Variants in FGF14 observed in about 807,000 individuals in gnomAD.
FGF14 encodes fibroblast growth factor homologous factor 4.
FGF14 carries 5 observed loss-of-function variants against 25.5 expected under a neutral mutation model. That is an observed-to-expected ratio of 0.20 (90% CI 0.10 to 0.41). FGF14 has a LOEUF of 0.41. FGF14 is among the 10% of genes least tolerant of loss of function. The pLI, the probability that FGF14 is intolerant of heterozygous loss-of-function variation, is 1.00. For missense variants in FGF14, 222 were observed against 320.1 expected, an observed-to-expected ratio of 0.69 and a Z score of 2.34; for synonymous variants, 138 against 118.3, an observed-to-expected ratio of 1.17 and a Z score of -1.08.
chr13:102,047,774 A>G (rs1035966319), intron 1 of FGF14, among the ~76,000 whole-genome samples: 2 of 152,312 alleles, frequency 1.3e-5, no homozygotes. Flanking sequence ...GCACATGTAT[A>G]CATATGTAAC....
At chr13:102,239,406 G>GA (rs2141021738) in intron 1 of FGF14, among the ~76,000 whole-genome samples, 1 of 152,312 alleles carries the variant, frequency 6.6e-6, no homozygotes, top group African/African-American at 2.4e-5. Flanking sequence ...AAGAAATGCA[G>GA]ATTCTGACTC....
At chr13:102,335,443 C>T (rs2138862855) in intron 1 of FGF14, among the ~76,000 whole-genome samples, 1 of 152,188 alleles carries the variant, frequency 6.6e-6, no homozygotes, top group Non-Finnish European at 1.5e-5. Context: ...TAAGAGTAGT[C>T]TTTTGTTAAG....
intron 1 of FGF14, among the ~76,000 whole-genome samples, chr13:101,985,169 C>A (rs1003449731): frequency 3.3e-5 from 5 of 151,218 alleles, no homozygotes; most frequent in African/African-American, 1.2e-4. Context: ...AGAAGCAGAC[C>A]CTCAGGCTAC....
intron 1 of FGF14, among the ~76,000 whole-genome samples, chr13:102,188,629 C>T (rs2048966184): frequency 6.6e-6 from 1 of 151,806 alleles, no homozygotes. Context: ...TATATTGGTG[C>T]CAGAAATAGC....
chr13:102,172,475 G>A (rs145462811), intron 1 of FGF14, among the ~76,000 whole-genome samples: 6 of 152,152 alleles, frequency 3.9e-5, no homozygotes, highest in African/African-American at 1.4e-4. Context: ...GTAATGTAGT[G>A]ACATACATTT....
chr13:102,278,936 C>T (rs751745767), intron 1 of FGF14, among the ~76,000 whole-genome samples: 31 of 151,948 alleles, frequency 2.0e-4, no homozygotes, highest in East Asian at 5.8e-4. Context: ...ACACATTTTG[C>T]GACTTATATA....
rs147668357 is a variant in FGF14 at position 102,378,255 on chromosome 13, G to A, written c.208+23216C>T. On this transcript the variant is annotated intron_variant, in intron 1 of 4. Transcript: ENST00000376131. The stretch of plus-strand genomic sequence containing the variant: ...TCAGGTGTAACAAATGCACCACTCC[G>A]GTGTGGTATATTGGTAATGGAGAGG... Among the ~76,000 whole-genome samples the A allele has an allele frequency of 3.3e-3, 499 of 152,250 alleles. 6 individuals are homozygous for A. The highest frequency in any genetic ancestry group is 0.011 in the African/African-American group (440 of 41,538).
At chr13:101,798,804 TGTGA>T (rs1417628073) in intron 3 of FGF14, among the ~76,000 whole-genome samples, 2 of 152,078 alleles carry the variant, frequency 1.3e-5, no homozygotes, top group Non-Finnish European at 1.5e-5. Context: ...AATGTGTATT[TGTGA>T]GTGTTTGTGT....
intron 1 of FGF14, among the ~76,000 whole-genome samples, chr13:102,220,935 T>G (rs1387811228): frequency 6.6e-6 from 1 of 152,180 alleles, no homozygotes; most frequent in Non-Finnish European, 1.5e-5. Flanking sequence ...TCTTCCTGTC[T>G]GTAAAATAAG....
intron 1 of FGF14, among the ~76,000 whole-genome samples, chr13:101,876,980 TA>T (rs1220338322): frequency 6.6e-6 from 1 of 152,184 alleles, no homozygotes; most frequent in East Asian, 1.9e-4. Flanking sequence ...GAGAATTTTT[TA>T]TTATTCTCTT....
At chr13:102,031,939 T>C (rs1387499894) in intron 1 of FGF14, among the ~76,000 whole-genome samples, 1 of 152,126 alleles carries the variant, frequency 6.6e-6, no homozygotes, top group Non-Finnish European at 1.5e-5. Flanking sequence ...AAAATTAACA[T>C]TCATTGCCGT....
intron 1 of FGF14, among the ~76,000 whole-genome samples, chr13:102,162,641 T>A (rs887694054): frequency 6.6e-6 from 1 of 152,192 alleles, no homozygotes; most frequent in Non-Finnish European, 1.5e-5. Context: ...GTTTATGGAA[T>A]GCTTCAATGT....
intron 1 of FGF14, among the ~76,000 whole-genome samples, chr13:101,885,687 T>G (rs2045952460): frequency 2.1e-5 from 3 of 143,728 alleles, no homozygotes; most frequent in Middle Eastern, 3.4e-3. Flanking sequence ...GTAACTGATG[T>G]GGCACAGGCC....
chr13:101,989,072 C>A (rs1006347123), intron 1 of FGF14, among the ~76,000 whole-genome samples: 4 of 151,942 alleles, frequency 2.6e-5, no homozygotes, highest in Admixed American at 2.6e-4. Flanking sequence ...GTTTTTCAAT[C>A]TTTCTGGCAC....
At chr13:102,203,310 T>C in intron 1 of FGF14, among the ~76,000 whole-genome samples, 1 of 152,188 alleles carries the variant, frequency 6.6e-6, no homozygotes, top group East Asian at 1.9e-4. Flanking sequence ...TAGTCATAAA[T>C]CTCTTGAACT....
At chr13:102,058,377 T>G (rs2042528996) in intron 1 of FGF14, among the ~76,000 whole-genome samples, 1 of 152,240 alleles carries the variant, frequency 6.6e-6, no homozygotes, top group South Asian at 2.1e-4. Flanking sequence ...TCCAACTCAT[T>G]TTTTATCAGG....
At chr13:102,017,935 C>T (rs909161022) in intron 1 of FGF14, among the ~76,000 whole-genome samples, 5 of 152,096 alleles carry the variant, frequency 3.3e-5, no homozygotes, top group African/African-American at 1.2e-4. Context: ...TTCCAACACT[C>T]CTGGATGGGA....
At chr13:101,882,488 T>C (rs550118686) in intron 1 of FGF14, among the ~76,000 whole-genome samples, 1 of 152,120 alleles carries the variant, frequency 6.6e-6, no homozygotes, top group East Asian at 1.9e-4. Flanking sequence ...GTTTTATCTA[T>C]TTCTTCAGAT....
intron 1 of FGF14, among the ~76,000 whole-genome samples, chr13:102,042,555 T>C (rs2041793592): frequency 6.6e-6 from 1 of 152,166 alleles, no homozygotes; most frequent in African/African-American, 2.4e-5. Context: ...TGGCATATAG[T>C]AGATGCTCAA....
Sources: gnomAD v4.1 joint callset for allele counts (sites outside exome capture counted in the v4.1 genomes callset) on GRCh38, gnomAD v4.1.1 for gene constraint, MANE v1.5 for transcripts, NCBI Gene and HGNC (gene_info 2026-07-23, HGNC 2026-07-21) for gene names.